RAB10: variants seen among roughly 807,000 people sequenced by gnomAD.
RAB10 encodes the protein ras-related protein Rab-10.
In RAB10, 5 loss-of-function variants were observed where a neutral mutation model predicts 25.7. That is an observed-to-expected ratio of 0.19 (90% confidence interval 0.10 to 0.41). The LOEUF (loss-of-function observed/expected upper bound fraction) is 0.41. RAB10 is among the 10% of genes least tolerant of loss of function. RAB10 has a pLI of 1.00. For synonymous variants in RAB10, 89 were observed against 86.4 expected (o/e 1.03, Z -0.16); for missense variants, 103 against 245.8 (o/e 0.42, Z 3.89).
intron 2 of RAB10, among the ~76,000 whole-genome samples, chr2:26,107,116 C>T (rs577269798): frequency 7.9e-5 from 12 of 151,672 alleles, no homozygotes; most frequent in Admixed American, 3.3e-4. Flanking sequence ...TGTGGTGGCA[C>T]GTGCCTGTAA....
intron 4 of RAB10, among the ~76,000 whole-genome samples, chr2:26,127,541 C>G (rs915891564): frequency 6.6e-6 from 1 of 152,084 alleles, no homozygotes; most frequent in Non-Finnish European, 1.5e-5. Flanking sequence ...TAGTATGGTT[C>G]TAAAATGTGA....
rs955598604 is a variant in RAB10, at chr2:26,135,502, A to G, written c.*481A>G. ...AGGAAAACACTCATTTTCGCCTTGA[A>G]TATGTAAATGGGATTAATTTTGTCC... On this transcript the variant is annotated 3_prime_UTR_variant, in exon 6 of 6. Transcript: ENST00000264710. 1 of 152,948 alleles carries G rather than the reference A, an allele frequency of 6.5e-6. No homozygotes were observed. Among genetic ancestry groups the G allele is most frequent in the Non-Finnish European group, 1.5e-5 (1 of 68,280 alleles). The allele number at this position is 152,948 out of a possible 1,614,324, so 9.5% of individuals were successfully genotyped here. A position where few individuals can be genotyped will look rare whatever the true frequency, so the allele number is the denominator to read the frequency against.
At chr2:26,060,381 C>T (rs927421024) in intron 1 of RAB10, among the ~76,000 whole-genome samples, 1 of 152,134 alleles carries the variant, frequency 6.6e-6, no homozygotes, top group African/African-American at 2.4e-5. Flanking sequence ...CAAGCTCTGC[C>T]TCCCAGGTTC....
chr2:26,092,712 G>T (rs1296624712), intron 1 of RAB10, among the ~76,000 whole-genome samples: 1 of 151,970 alleles, frequency 6.6e-6, no homozygotes, highest in Non-Finnish European at 1.5e-5. Context: ...CTTTCTTCAG[G>T]CAAGTTTCCT....
intron 1 of RAB10, among the ~76,000 whole-genome samples, chr2:26,095,574 T>C (rs979984059): frequency 6.7e-5 from 10 of 148,536 alleles, no homozygotes; most frequent in African/African-American, 2.5e-4. Flanking sequence ...GCAATTGCAC[T>C]CCAGCCTGGG....
chr2:26,046,219 G>A (rs1666000683), intron 1 of RAB10, among the ~76,000 whole-genome samples: 1 of 152,056 alleles, frequency 6.6e-6, no homozygotes, highest in African/African-American at 2.4e-5. Context: ...CAGCTACTCG[G>A]GAGGCTGAGG....
At chr2:26,059,923 G>T (rs1666360130) in intron 1 of RAB10, among the ~76,000 whole-genome samples, 1 of 152,080 alleles carries the variant, frequency 6.6e-6, no homozygotes. Flanking sequence ...AAATTATGTG[G>T]GTTTTTTTTA....
chr2:26,121,263 CAA>C (rs1248711224), intron 3 of RAB10, among the ~76,000 whole-genome samples: 1 of 152,096 alleles, frequency 6.6e-6, no homozygotes, highest in African/African-American at 2.4e-5. Context: ...GTCCTTGCAA[CAA>C]AAGAGTTGTT....
chr2:26,088,626 T>C (rs547735919), intron 1 of RAB10, among the ~76,000 whole-genome samples: 1 of 152,120 alleles, frequency 6.6e-6, no homozygotes, highest in Non-Finnish European at 1.5e-5. Flanking sequence ...CCCCACCAAG[T>C]TGGAGTCTTG....
At chr2:26,107,687 T>G (rs1378980677) in intron 2 of RAB10, among the ~76,000 whole-genome samples, 1 of 151,836 alleles carries the variant, frequency 6.6e-6, no homozygotes, top group African/African-American at 2.4e-5. Flanking sequence ...TCCCAGCTAC[T>G]TGGGAGGCTG....
At chr2:26,118,469 G>A (rs1206391094) in intron 3 of RAB10, among the ~76,000 whole-genome samples, 1 of 151,822 alleles carries the variant, frequency 6.6e-6, no homozygotes, top group Non-Finnish European at 1.5e-5. Flanking sequence ...GAATTAACAG[G>A]TTCTCATGTA....
At chr2:26,099,962 T>C (rs960307769) in intron 2 of RAB10, among the ~76,000 whole-genome samples, 5 of 152,158 alleles carry the variant, frequency 3.3e-5, no homozygotes, top group African/African-American at 1.2e-4. Flanking sequence ...AGTATCCTTT[T>C]CCTGGGTCCT....
intron 3 of RAB10, among the ~76,000 whole-genome samples, chr2:26,121,093 G>A (rs1667794816): frequency 6.6e-6 from 1 of 151,862 alleles, no homozygotes; most frequent in South Asian, 2.1e-4. Flanking sequence ...AGTAATTTTA[G>A]TAGAGACAGG....
intron 3 of RAB10, among the ~76,000 whole-genome samples, chr2:26,125,380 A>G (rs1206655018): frequency 7.1e-6 from 1 of 141,692 alleles, no homozygotes; most frequent in Non-Finnish European, 1.5e-5. Flanking sequence ...TCATGTGCAT[A>G]TTGTTTGTTT....
At chr2:26,117,726 C>G (rs1055999532) in intron 3 of RAB10, among the ~76,000 whole-genome samples, 1 of 151,546 alleles carries the variant, frequency 6.6e-6, no homozygotes, top group Non-Finnish European at 1.5e-5. Flanking sequence ...GTGAGAGGAG[C>G]GACTTTAAAC....
Position 26,086,019 on chromosome 2 carries a change from G to GA in RAB10, c.128-12643_128-12642insA, listed in dbSNP as rs1214373651. On this transcript the variant is annotated intron_variant, in intron 1 of 5. Transcript: ENST00000264710. Reference sequence around the variant, plus strand: ...TCTCCAAAAAAAAAAAAAAAAAAAGGGGGGGGGCAAAGGGGCCCGATGCGG... The same window carrying GA: ...TCTCCAAAAAAAAAAAAAAAAAAAGGAGGGGGGGCAAAGGGGCCCGATGCGG... Among the ~76,000 whole-genome samples, 4 of 138,734 alleles carry GA rather than the reference G, an allele frequency of 2.9e-5. 1 individual carries two copies. Among genetic ancestry groups the GA allele is most frequent in the African/African-American group, 1.1e-4 (4 of 36,980 alleles). The allele number at this position is 138,734 out of a possible 152,430, so 91.0% of individuals were successfully genotyped here.
In RAB10 at chr2:26,093,491, C is replaced by T. The variant is rs572094447; in HGVS notation, c.128-5171C>T. On this transcript the variant is annotated intron_variant, in intron 1 of 5. Coordinates refer to ENST00000264710, the MANE Select transcript of RAB10 (RefSeq NM_016131.5). ...GCAGCACATATTTTCTTCTGAAGTTCGATTTACCTTTAGGTCTGTTTATGT... is the reference window on the plus strand; with the variant it reads ...GCAGCACATATTTTCTTCTGAAGTTTGATTTACCTTTAGGTCTGTTTATGT... Among the ~76,000 whole-genome samples, 18 of 152,228 alleles carry T rather than the reference C, an allele frequency of 1.2e-4. No homozygotes were observed. The South Asian group carries it at 2.1e-3, about 18-fold the overall frequency.
chr2:26,075,329 G>A (rs1048164579), intron 1 of RAB10, among the ~76,000 whole-genome samples: 3 of 152,094 alleles, frequency 2.0e-5, no homozygotes, highest in African/African-American at 7.2e-5. Context: ...CCAACAGGGA[G>A]AACAGTCCTT....
At chr2:26,049,233 G>A (rs1344773401) in intron 1 of RAB10, among the ~76,000 whole-genome samples, 2 of 143,524 alleles carry the variant, frequency 1.4e-5, no homozygotes, top group Admixed American at 7.2e-5. Context: ...GATTGCTCCC[G>A]TACCATTTAT....
Sources: gnomAD v4.1 joint callset for allele counts (sites outside exome capture counted in the v4.1 genomes callset) on GRCh38, gnomAD v4.1.1 for gene constraint, MANE v1.5 for transcripts, NCBI Gene and HGNC (gene_info 2026-07-23, HGNC 2026-07-21) for gene names.